ANK2: variants seen among roughly 807,000 people sequenced by gnomAD.
ANK2 encodes the protein ankyrin 2, also known as ankyrin-2.
Under a neutral mutation model 360.5 loss-of-function variants are expected in ANK2, and 83 were observed. That is an observed-to-expected ratio of 0.23 (90% CI 0.19 to 0.28). The LOEUF is 0.28. Among genes scored for constraint, ANK2 ranks in the 10% least tolerant of loss-of-function variants. The pLI is 1.00. For missense variants in ANK2, 4,201 were observed against 4,795.7 expected, an observed-to-expected ratio of 0.88 and a Z score of 3.66; for synonymous variants, 1,740 against 1,759.5, an observed-to-expected ratio of 0.99 and a Z score of 0.28.
At chr4:112,993,728 A>G (rs1317347267) in intron 2 of ANK2, among the ~76,000 whole-genome samples, 2 of 149,742 alleles carry the variant, frequency 1.3e-5, no homozygotes, top group East Asian at 4.0e-4. Flanking sequence ...TTTTTTTGAC[A>G]CAGGGACTCA....
At chr4:113,330,582 C>A in intron 27 of ANK2, 112 bp downstream of exon 27, 2 of 1,085,002 alleles carry the variant, frequency 1.8e-6, no homozygotes, top group Middle Eastern at 2.9e-4. Flanking sequence ...GAAAGAGGAT[C>A]AGCACCAATG....
chr4:113,338,916 C>G (rs1487016494), intron 31 of ANK2, among the ~76,000 whole-genome samples: 1 of 152,102 alleles, frequency 6.6e-6, no homozygotes, highest in Non-Finnish European at 1.5e-5. Context: ...AAATAATCAG[C>G]TGTATACAAT....
chr4:113,164,909 A>G (rs1180679892), intron 1 of ANK2, among the ~76,000 whole-genome samples: 2 of 152,252 alleles, frequency 1.3e-5, no homozygotes, highest in Admixed American at 1.3e-4. Context: ...TCTTAAAGAA[A>G]GAATTAAATA....
chr4:112,873,250 G>A (rs896769491), intron 1 of ANK2, among the ~76,000 whole-genome samples: 24 of 151,306 alleles, frequency 1.6e-4, no homozygotes, highest in Admixed American at 1.3e-3. Flanking sequence ...CCTTCTGCTT[G>A]CTTTGGGCTT....
rs373282940 is a variant in ANK2, at chr4:113,084,449, C to T, written c.84+34637C>T. On this transcript the variant is annotated intron_variant, in intron 1 of 45. Transcript: ENST00000357077. ...ATAAGGCTATTTTTAAAAATGGAAA[C>T]GAAACGCGATTAAATCCATAATTGA... Among the ~76,000 whole-genome samples the T allele has an allele frequency of 9.9e-5, 15 of 152,032 alleles. No homozygotes were observed. In the East Asian group the frequency reaches 1.2e-3, roughly 12 times the overall value.
intron 2 of ANK2, among the ~76,000 whole-genome samples, chr4:112,957,503 A>C (rs908934887): frequency 6.6e-6 from 1 of 152,074 alleles, no homozygotes; most frequent in African/African-American, 2.4e-5. Context: ...CATTGTCATC[A>C]TGGCCCGTTC....
intron 2 of ANK2, among the ~76,000 whole-genome samples, chr4:112,939,091 A>G (rs1285277072): frequency 6.6e-6 from 1 of 152,186 alleles, no homozygotes; most frequent in African/African-American, 2.4e-5. Context: ...TACCCTAGCT[A>G]CTATTGTAAA....
intron 36 of ANK2, among the ~76,000 whole-genome samples, chr4:113,349,110 T>G (rs181566045): frequency 6.6e-6 from 1 of 152,142 alleles, no homozygotes; most frequent in Non-Finnish European, 1.5e-5. Context: ...GAGGTGTTTG[T>G]TATTAAATAC....
intron 1 of ANK2, among the ~76,000 whole-genome samples, chr4:112,852,170 A>T (rs915274728): frequency 6.6e-6 from 1 of 152,254 alleles, no homozygotes; most frequent in Admixed American, 6.5e-5. Context: ...ATTCTCCAAC[A>T]TGTAACAGAA....
the ANK2 span, among the ~76,000 whole-genome samples, chr4:112,791,136 T>A: frequency 6.6e-6 from 1 of 152,176 alleles, no homozygotes; most frequent in Non-Finnish European, 1.5e-5. Context: ...GAAGTAGATA[T>A]CTCCTTAAAA....
At chr4:112,904,593 T>A in intron 2 of ANK2, 3 of 1,128,502 alleles carry the variant, frequency 2.7e-6, no homozygotes, top group Non-Finnish European at 3.7e-6. Context: ...TAAGTACTAT[T>A]TTGGTAAAAA....
At chr4:112,936,265 G>A (rs1487746212) in intron 2 of ANK2, among the ~76,000 whole-genome samples, 1 of 152,168 alleles carries the variant, frequency 6.6e-6, no homozygotes, top group Non-Finnish European at 1.5e-5. Context: ...GCTCTGGGAT[G>A]TGAGAAGTAG....
intron 1 of ANK2, among the ~76,000 whole-genome samples, chr4:112,855,911 A>G (rs1359522743): frequency 2.0e-5 from 3 of 152,178 alleles, no homozygotes; most frequent in African/African-American, 7.2e-5. Context: ...AAACATGAGA[A>G]GAGTGTCATA....
At chr4:112,770,566 C>T in the ANK2 span, among the ~76,000 whole-genome samples, 1 of 152,118 alleles carries the variant, frequency 6.6e-6, no homozygotes, top group Non-Finnish European at 1.5e-5. Context: ...ATTATCAGAG[C>T]ATAGAGGCAT....
chr4:113,144,651 A>G (rs1193988100), intron 1 of ANK2, among the ~76,000 whole-genome samples: 4 of 150,600 alleles, frequency 2.7e-5, no homozygotes, highest in Non-Finnish European at 5.9e-5. Flanking sequence ...AGTAGTTTAA[A>G]ATGATTTGCA....
At chr4:113,206,519 T>A (rs1584854439) in intron 4 of ANK2, among the ~76,000 whole-genome samples, 1 of 152,104 alleles carries the variant, frequency 6.6e-6, no homozygotes, top group East Asian at 1.9e-4. Flanking sequence ...GTAATACAAA[T>A]CCTTTGAAAT....
intron 1 of ANK2, among the ~76,000 whole-genome samples, chr4:112,882,759 G>T (rs759310980): frequency 6.6e-6 from 1 of 151,492 alleles, no homozygotes; most frequent in Admixed American, 6.6e-5. Flanking sequence ...GTCACTTACC[G>T]TAGGCAGATA....
the ANK2 span, among the ~76,000 whole-genome samples, chr4:112,783,826 T>G: frequency 6.6e-6 from 1 of 151,938 alleles, no homozygotes; most frequent in Non-Finnish European, 1.5e-5. Flanking sequence ...ATTTTTTGTA[T>G]TTTTAGTAGA....
the ANK2 span, among the ~76,000 whole-genome samples, chr4:112,718,326 T>G: frequency 6.6e-6 from 1 of 152,202 alleles, no homozygotes; most frequent in African/African-American, 2.4e-5. Flanking sequence ...CTTAATTGTT[T>G]TTGTTTTTCG....
Sources: gnomAD v4.1 joint callset for allele counts (sites outside exome capture counted in the v4.1 genomes callset) on GRCh38, gnomAD v4.1.1 for gene constraint, MANE v1.5 for transcripts, NCBI Gene and HGNC (gene_info 2026-07-23, HGNC 2026-07-21) for gene names.